The following PCLO variants were observed in gnomAD, a reference collection of about 807,000 sequenced individuals.
The protein encoded by PCLO is protein piccolo.
In PCLO, 82 loss-of-function variants were observed where a neutral mutation model predicts 427.5. That is an observed-to-expected ratio of 0.19 (90% CI 0.16 to 0.23). The LOEUF is 0.23. Among genes scored for constraint, PCLO ranks in the 10% least tolerant of loss-of-function variants. The pLI, the probability that PCLO is intolerant of heterozygous loss-of-function variation, is 1.00. For synonymous variants in PCLO, 2,357 were observed against 2,155.4 expected, an observed-to-expected ratio of 1.09 and a Z score of -2.59; for missense variants, 6,239 against 6,115.9, an observed-to-expected ratio of 1.02 and a Z score of -0.67.
intron 10 of PCLO, among the ~76,000 whole-genome samples, chr7:82,853,451 T>C (rs1792720015): frequency 6.6e-6 from 1 of 152,074 alleles, no homozygotes; most frequent in Admixed American, 6.6e-5. Flanking sequence ...TAGGACACTG[T>C]TTCTTGAGAT....
intron 3 of PCLO, among the ~76,000 whole-genome samples, chr7:82,998,618 T>G (rs1399838534): frequency 2.0e-5 from 3 of 151,842 alleles, no homozygotes; most frequent in African/African-American, 7.3e-5. Flanking sequence ...AACATGAAAT[T>G]TACAGTCCAG....
intron 20 of PCLO, among the ~76,000 whole-genome samples, chr7:82,817,975 T>C (rs2115613819): frequency 6.6e-6 from 1 of 152,238 alleles, no homozygotes; most frequent in African/African-American, 2.4e-5. Flanking sequence ...ATCTTCAAGG[T>C]TTTAGGAATG....
rs758637322 is a variant in PCLO, at chr7:83,101,232, A to T, written c.3300+33018T>A. ...TTTTCCTTTTTATATATCCCATGAA[A>T]GACAATCATGATAGGTTATAGCTCA... On this transcript the variant is annotated intron_variant, in intron 3 of 24. Transcript: ENST00000333891. Among the ~76,000 whole-genome samples, 16 of 152,042 alleles carry T rather than the reference A, an allele frequency of 1.1e-4. 1 individual carries two copies. Among genetic ancestry groups the T allele is most frequent in the Admixed American group, 5.2e-4 (8 of 15,282 alleles).
At chr7:82,774,298 C>T (rs1427217844) in intron 22 of PCLO, among the ~76,000 whole-genome samples, 1 of 152,168 alleles carries the variant, frequency 6.6e-6, no homozygotes, top group Non-Finnish European at 1.5e-5. Flanking sequence ...TCTCCCAATT[C>T]CATCTATTAG....
At chr7:83,012,037 T>C (rs1205933166) in intron 3 of PCLO, among the ~76,000 whole-genome samples, 2 of 152,162 alleles carry the variant, frequency 1.3e-5, no homozygotes, top group Non-Finnish European at 1.5e-5. Flanking sequence ...TGAAATTATA[T>C]GTATTTATTG....
At chr7:83,046,994 T>C (rs1027473899) in intron 3 of PCLO, among the ~76,000 whole-genome samples, 1 of 152,056 alleles carries the variant, frequency 6.6e-6, no homozygotes, top group Non-Finnish European at 1.5e-5. Context: ...ATGCACCAGC[T>C]AGGTATAGTA....
At chr7:82,918,660 C>T (rs1366238085) in intron 6 of PCLO, among the ~76,000 whole-genome samples, 2 of 151,980 alleles carry the variant, frequency 1.3e-5, no homozygotes. Context: ...CTGAAAACTA[C>T]ATACTATTTG....
At chr7:82,885,585 A>G (rs2116081651) in intron 9 of PCLO, among the ~76,000 whole-genome samples, 1 of 152,274 alleles carries the variant, frequency 6.6e-6, no homozygotes. Flanking sequence ...TGTTGTGCAC[A>G]CAACATATGT....
At chr7:82,836,369 T>C (rs1265291900) in intron 15 of PCLO, among the ~76,000 whole-genome samples, 1 of 152,136 alleles carries the variant, frequency 6.6e-6, no homozygotes, top group African/African-American at 2.4e-5. Context: ...GTCTAATAAA[T>C]CAAAGGCGGA....
rs1794996805 is a variant in PCLO at position 82,937,991 on chromosome 7, TATC to T, written c.11112+11482_11112+11484del. On this transcript the variant is annotated intron_variant, in intron 6 of 24. Coordinates refer to ENST00000333891, the MANE Select transcript of PCLO (RefSeq NM_033026.6). Reference sequence around the variant, plus strand: ...AGTTACAGAGCCCAACCAACAAACTTATCTTCTACTACTTGTAGATACATATCT... The same window carrying T: ...AGTTACAGAGCCCAACCAACAAACTTTTCTACTACTTGTAGATACATATCT... Among the ~76,000 whole-genome samples, 3 of 151,974 alleles carry T rather than the reference TATC, an allele frequency of 2.0e-5. No homozygotes were observed. The South Asian group carries it at 6.2e-4, about 31-fold the overall frequency.
intron 9 of PCLO, among the ~76,000 whole-genome samples, chr7:82,882,367 T>G (rs1008319755): frequency 3.4e-4 from 51 of 152,146 alleles, no homozygotes; most frequent in African/African-American, 1.1e-3. Context: ...TTTTTCAACT[T>G]TTGACAAATT....
At chr7:83,132,025 A>T (rs914759832) in intron 3 of PCLO, among the ~76,000 whole-genome samples, 5 of 152,052 alleles carry the variant, frequency 3.3e-5, no homozygotes, top group African/African-American at 1.2e-4. Context: ...CATTCTTTTC[A>T]ACTAACTCCT....
intron 3 of PCLO, among the ~76,000 whole-genome samples, chr7:83,124,297 T>C (rs1791367798): frequency 7.0e-6 from 1 of 142,830 alleles, no homozygotes; most frequent in Non-Finnish European, 1.5e-5. Flanking sequence ...GAGCTTGCAG[T>C]GAGCCGAGAT....
chr7:82,835,388 A>T (rs1437834354), intron 16 of PCLO, among the ~76,000 whole-genome samples: 3 of 152,252 alleles, frequency 2.0e-5, no homozygotes, highest in East Asian at 1.9e-4. Context: ...AGATTATGAG[A>T]CTTTAGTTAT....
intron 3 of PCLO, among the ~76,000 whole-genome samples, chr7:83,118,765 G>C (rs1399789746): frequency 2.0e-5 from 3 of 152,124 alleles, no homozygotes; most frequent in Admixed American, 6.5e-5. Context: ...AAATTTGAAA[G>C]GCAGTCTAAG....
intron 7 of PCLO, among the ~76,000 whole-genome samples, chr7:82,909,726 A>G (rs1352531784): frequency 2.6e-5 from 4 of 152,088 alleles, no homozygotes; most frequent in African/African-American, 9.6e-5. Context: ...TGTTAGGAAC[A>G]TGTGTGCCAT....
At chr7:83,026,724 A>G (rs1323135188) in intron 3 of PCLO, among the ~76,000 whole-genome samples, 2 of 152,042 alleles carry the variant, frequency 1.3e-5, no homozygotes, top group East Asian at 3.9e-4. Context: ...TCCTCAGCAA[A>G]TGTAAAAGAA....
chr7:83,124,433 T>A (rs1019500103), intron 3 of PCLO, among the ~76,000 whole-genome samples: 2 of 151,482 alleles, frequency 1.3e-5, no homozygotes, highest in Non-Finnish European at 2.9e-5. Flanking sequence ...TCATTAGTTA[T>A]CAGAGAAATG....
At chr7:82,777,692 G>T (rs927529520) in intron 22 of PCLO, among the ~76,000 whole-genome samples, 5 of 152,138 alleles carry the variant, frequency 3.3e-5, no homozygotes, top group Non-Finnish European at 5.9e-5. Context: ...AGCTAAGCCA[G>T]TTGACTAGCT....
Sources: allele counts gnomAD v4.1 joint callset (sites outside exome capture counted in the v4.1 genomes callset), GRCh38; gene constraint gnomAD v4.1.1; transcripts MANE v1.5; gene names NCBI Gene and HGNC (gene_info 2026-07-23, HGNC 2026-07-21).